GRAMD1B: variants seen among roughly 807,000 people sequenced by gnomAD.
GRAMD1B encodes the protein protein Aster-B.
GRAMD1B carries 37 observed loss-of-function variants against 99.7 expected under a neutral mutation model. The observed-to-expected ratio is 0.37, with a 90% CI of 0.29 to 0.49. The LOEUF (loss-of-function observed/expected upper bound fraction) is 0.49, where lower values mean the gene tolerates loss of function less well. GRAMD1B is among the 20% of genes least tolerant of loss of function. The pLI, the probability that GRAMD1B is intolerant of heterozygous loss-of-function variation, is 0.98. For missense variants in GRAMD1B, 888 were observed against 1,009.2 expected (o/e 0.88, Z 1.63); for synonymous variants, 427 against 387.6 (o/e 1.10, Z -1.19).
chr11:123,581,123 C>A (rs1232776172), intron 3 of GRAMD1B, among the ~76,000 whole-genome samples: 5 of 152,138 alleles, frequency 3.3e-5, no homozygotes, highest in Non-Finnish European at 5.9e-5. Context: ...CTCCCAGTAA[C>A]CTGGGTCTGT....
At chr11:123,419,159 A>G (rs902810380) in intron 1 of GRAMD1B, among the ~76,000 whole-genome samples, 1 of 152,212 alleles carries the variant, frequency 6.6e-6, no homozygotes, top group African/African-American at 2.4e-5. Flanking sequence ...TTGAAGAGCA[A>G]GAGCAGACAG....
intron 17 of GRAMD1B, chr11:123,618,434 G>C (rs906341434): frequency 7.6e-7 from 1 of 1,310,608 alleles, no homozygotes; most frequent in Non-Finnish European, 1.1e-6. Flanking sequence ...CAGGTGCCCA[G>C]GTTCTGGGTG....
At chr11:123,387,640 C>T (rs1012849405) in intron 1 of GRAMD1B, among the ~76,000 whole-genome samples, 88 of 152,246 alleles carry the variant, frequency 5.8e-4, no homozygotes, top group African/African-American at 2.0e-3. Context: ...CCAGCTCCAG[C>T]ATTTCCAGAC....
intron 1 of GRAMD1B, among the ~76,000 whole-genome samples, chr11:123,443,798 G>C (rs991384099): frequency 6.6e-6 from 1 of 152,138 alleles, no homozygotes; most frequent in African/African-American, 2.4e-5. Context: ...GATCAGGCTG[G>C]TCTTGAACTC....
chr11:123,540,164 C>T (rs1944367333), intron 2 of GRAMD1B, among the ~76,000 whole-genome samples: 1 of 151,572 alleles, frequency 6.6e-6, no homozygotes, highest in Non-Finnish European at 1.5e-5. Flanking sequence ...CTCCTGGGCT[C>T]AAGTGATCCT....
intron 7 of GRAMD1B, 65 bp downstream of exon 7, chr11:123,596,102 C>T: frequency 1.1e-6 from 1 of 886,116 alleles, no homozygotes; most frequent in Non-Finnish European, 1.8e-6. Context: ...GTATTTCTGC[C>T]CTTTCTTGAA....
Position 123,591,783 on chromosome 11 carries a change from G to A in GRAMD1B, c.685-2299G>A, listed in dbSNP as rs1950682593. Among the ~76,000 whole-genome samples, 1 of 152,180 alleles carries A rather than the reference G, an allele frequency of 6.6e-6. No homozygotes were observed. Among genetic ancestry groups the A allele is most frequent in the Non-Finnish European group, 1.5e-5 (1 of 68,026 alleles). On this transcript the variant is annotated intron_variant, in intron 4 of 19. Coordinates refer to ENST00000635736, the MANE Select transcript of GRAMD1B (RefSeq NM_001387025.1). The surrounding 1 kb of genome is among the most constrained non-coding windows in gnomAD (Gnocchi z 4.7). Reference sequence around the variant, plus strand: ...CCCAGCATGCCCAACTGATGAGCCTGCCATGCACACAACAGCCTTGTGGAA... The same window carrying A: ...CCCAGCATGCCCAACTGATGAGCCTACCATGCACACAACAGCCTTGTGGAA...
chr11:123,405,192 ATGTG>A (rs145624429), intron 1 of GRAMD1B, among the ~76,000 whole-genome samples: 12,624 of 147,728 alleles, frequency 0.085, 914 homozygotes, highest in African/African-American at 0.2. Context: ...TCATGTGTGC[ATGTG>A]TGTGTGTGTG....
At chr11:123,469,776 TTTCCTTCCTTCC>T (rs369545252) in intron 1 of GRAMD1B, among the ~76,000 whole-genome samples, 56 of 130,034 alleles carry the variant, frequency 4.3e-4, no homozygotes, top group East Asian at 1.5e-3. Flanking sequence ...TTTCTCTTTC[TTTCCTTCCTTCC>T]TTCCTTCCTT....
chr11:123,566,505 G>A (rs936241859), intron 2 of GRAMD1B, among the ~76,000 whole-genome samples: 4 of 152,158 alleles, frequency 2.6e-5, no homozygotes, highest in African/African-American at 4.8e-5. Flanking sequence ...GGTGGCTCAC[G>A]CCTGTAATCC....
chr11:123,589,606 G>A (rs1165489440), intron 4 of GRAMD1B, among the ~76,000 whole-genome samples: 4 of 100,634 alleles, frequency 4.0e-5, no homozygotes, highest in Non-Finnish European at 8.0e-5. Context: ...ACCATGTGTG[G>A]CTAATTTTTA....
At chr11:123,583,275 G>A (rs1949628652) in intron 3 of GRAMD1B, among the ~76,000 whole-genome samples, 2 of 148,894 alleles carry the variant, frequency 1.3e-5, no homozygotes, top group Non-Finnish European at 3.0e-5. Context: ...GCATGTGTGT[G>A]TGCATGTGTG....
intron 2 of GRAMD1B, among the ~76,000 whole-genome samples, chr11:123,487,011 G>T (rs1477536313): frequency 1.3e-5 from 2 of 152,222 alleles, no homozygotes; most frequent in Admixed American, 6.5e-5. Context: ...AGAGAGTGCA[G>T]TGAGCTGAGA....
Position 123,376,856 on chromosome 11 carries a change from T to A in GRAMD1B, c.-176+18057T>A, listed in dbSNP as rs576003201. Among the ~76,000 whole-genome samples, 32 of 152,322 alleles carry A rather than the reference T, an allele frequency of 2.1e-4. No homozygotes were observed. The South Asian group carries it at 6.4e-3, about 31-fold the overall frequency. On this transcript the variant is annotated intron_variant, in intron 1 of 20. Coordinates refer to the GRAMD1B transcript ENST00000638157. ...GTTGCTGTTCTTGCCCACTCTGTGA[T>A]CCAAGTAGTTGCTGAGTTCAGAATT...
chr11:123,498,293 T>A (rs1939522370), intron 2 of GRAMD1B, among the ~76,000 whole-genome samples: 2 of 152,308 alleles, frequency 1.3e-5, no homozygotes, highest in East Asian at 3.9e-4. Context: ...CCTGCTTTTC[T>A]CAAACTGAAG....
chr11:123,457,004 C>G (rs374717644), intron 1 of GRAMD1B, among the ~76,000 whole-genome samples: 1 of 149,638 alleles, frequency 6.7e-6, no homozygotes, highest in East Asian at 2.0e-4. Flanking sequence ...CCCAGGTACT[C>G]GGGAGGCTGA....
At chr11:123,564,754 TG>T (rs1332381098) in intron 2 of GRAMD1B, among the ~76,000 whole-genome samples, 1 of 152,206 alleles carries the variant, frequency 6.6e-6, no homozygotes, top group Non-Finnish European at 1.5e-5. Flanking sequence ...TTTCTCTTGC[TG>T]AGGATGGGGG....
Position 123,575,778 on chromosome 11 carries a change from G to C in GRAMD1B, c.453-1589G>C, listed in dbSNP as rs151202112. On this transcript the variant is annotated intron_variant, in intron 2 of 19. Coordinates refer to ENST00000635736, the MANE Select transcript of GRAMD1B (RefSeq NM_001387025.1). ...TTCTCCAGAGTTTATGGTAGCAAACGAGTTTAGAGAGTAAGGATAAGGAAT... is the reference window on the plus strand; with the variant it reads ...TTCTCCAGAGTTTATGGTAGCAAACCAGTTTAGAGAGTAAGGATAAGGAAT... Among the ~76,000 whole-genome samples the C allele has an allele frequency of 5.9e-5, 9 of 152,228 alleles. No individual in the cohort carries two copies. In the East Asian group the frequency reaches 1.2e-3, roughly 20 times the overall value.
rs534497888 is a variant in GRAMD1B, at chr11:123,361,014, C to T, written c.-176+2215C>T. 1.2e-4 allele frequency among the ~76,000 whole-genome samples: 19 copies of T among 152,150 alleles called. No individual in the cohort carries two copies. The South Asian group carries it at 2.9e-3, about 23-fold the overall frequency. ...TGTATTTTTACTAGAGATGGGGTTT[C>T]ACCATGTTGGCCAGGCTGGTCTCGA... On this transcript the variant is annotated intron_variant, in intron 1 of 20. Coordinates refer to the GRAMD1B transcript ENST00000638157.
Sources: gnomAD v4.1 joint callset for allele counts (sites outside exome capture counted in the v4.1 genomes callset) on GRCh38, gnomAD v4.1.1 for gene constraint, Gnocchi (gnomAD v3.1) non-coding constraint, MANE v1.5 for transcripts, NCBI Gene and HGNC (gene_info 2026-07-23, HGNC 2026-07-21) for gene names.